PDGFC: variants seen among roughly 807,000 people sequenced by gnomAD.
PDGFC encodes the protein platelet-derived growth factor C.
PDGFC carries 12 observed loss-of-function variants against 35.5 expected under a neutral mutation model. The ratio of observed to expected loss-of-function variants is 0.34; its 90% CI spans 0.22 to 0.55. PDGFC has a LOEUF of 0.55. Ranked by LOEUF, PDGFC falls within the 20% of genes least tolerant of loss-of-function variation. PDGFC has a pLI of 0.91. For synonymous variants in PDGFC, 159 were observed against 148.8 expected, an observed-to-expected ratio of 1.07 and a Z score of -0.50; for missense variants, 322 against 412.4, an observed-to-expected ratio of 0.78 and a Z score of 1.90.
chr4:156,879,202 C>A (rs1730185878), intron 1 of PDGFC, among the ~76,000 whole-genome samples: 1 of 152,116 alleles, frequency 6.6e-6, no homozygotes, highest in Admixed American at 6.6e-5. Context: ...TTAAATCAAT[C>A]CTCCTGTAGA....
chr4:156,864,256 C>T (rs1345941077), intron 1 of PDGFC, among the ~76,000 whole-genome samples: 2 of 152,094 alleles, frequency 1.3e-5, no homozygotes, highest in Non-Finnish European at 2.9e-5. Flanking sequence ...TAAGAACTGA[C>T]TGAGATCCCC....
At chr4:156,904,629 G>A (rs976367967) in intron 1 of PDGFC, among the ~76,000 whole-genome samples, 2 of 152,048 alleles carry the variant, frequency 1.3e-5, no homozygotes, top group East Asian at 3.9e-4. Flanking sequence ...TCACCATCAA[G>A]TGTATATTTG....
At chr4:156,930,168 T>A (rs1731517533) in intron 1 of PDGFC, among the ~76,000 whole-genome samples, 1 of 152,228 alleles carries the variant, frequency 6.6e-6, no homozygotes, top group African/African-American at 2.4e-5. Context: ...TTTTAAGAAA[T>A]CTGCATTTAA....
At chr4:156,892,537 C>T (rs1435307758) in intron 1 of PDGFC, among the ~76,000 whole-genome samples, 1 of 151,646 alleles carries the variant, frequency 6.6e-6, no homozygotes, top group Non-Finnish European at 1.5e-5. Context: ...AGAATGCTGT[C>T]CTAATCTTTG....
chr4:156,887,977 T>C (rs1326776137), intron 1 of PDGFC, among the ~76,000 whole-genome samples: 1 of 145,366 alleles, frequency 6.9e-6, no homozygotes, highest in African/African-American at 2.6e-5. Flanking sequence ...CACTCCAGCC[T>C]GGGCAACAGA....
intron 3 of PDGFC, among the ~76,000 whole-genome samples, chr4:156,803,422 G>C (rs1731669215): frequency 6.6e-6 from 1 of 152,140 alleles, no homozygotes; most frequent in Non-Finnish European, 1.5e-5. Context: ...AGATATAATA[G>C]AGGATGGGGT....
At chr4:156,889,175 T>C (rs1469164824) in intron 1 of PDGFC, among the ~76,000 whole-genome samples, 1 of 152,208 alleles carries the variant, frequency 6.6e-6, no homozygotes, top group Non-Finnish European at 1.5e-5. Flanking sequence ...TTCTCAGCCA[T>C]GATTTCTTAA....
chr4:156,790,060 C>A (rs1262468362), intron 3 of PDGFC, among the ~76,000 whole-genome samples: 7 of 150,508 alleles, frequency 4.7e-5, no homozygotes. Context: ...AATCAGAAGA[C>A]CTGGGCACAG....
chr4:156,831,533 T>C (rs1457232641), intron 2 of PDGFC, among the ~76,000 whole-genome samples: 2 of 135,726 alleles, frequency 1.5e-5, no homozygotes, highest in African/African-American at 5.7e-5. Flanking sequence ...AACCTCCACC[T>C]CCCGAGTTAC....
intron 1 of PDGFC, among the ~76,000 whole-genome samples, chr4:156,961,219 T>C (rs757077816): frequency 6.6e-6 from 1 of 152,118 alleles, no homozygotes; most frequent in East Asian, 1.9e-4. Flanking sequence ...AAGCTGTGAT[T>C]TATTCCCCAG....
intron 1 of PDGFC, among the ~76,000 whole-genome samples, chr4:156,885,151 A>G (rs1044262472): frequency 1.6e-5 from 2 of 122,282 alleles, no homozygotes; most frequent in Non-Finnish European, 3.1e-5. Context: ...ATGTATGTGC[A>G]TACATACACA....
intron 1 of PDGFC, among the ~76,000 whole-genome samples, chr4:156,858,678 C>T (rs1439022083): frequency 6.6e-6 from 1 of 152,020 alleles, no homozygotes; most frequent in Non-Finnish European, 1.5e-5. Context: ...AGAAAGTTCA[C>T]ATAAAATATT....
chr4:156,866,334 AT>A (rs931377818), intron 1 of PDGFC, among the ~76,000 whole-genome samples: 60 of 152,042 alleles, frequency 3.9e-4, no homozygotes, highest in African/African-American at 1.3e-3. Flanking sequence ...TATGTGCCAC[AT>A]TTTTTTTCTT....
In PDGFC at chr4:156,789,755, T is replaced by C. The variant is rs553550921; in HGVS notation, c.496-16862A>G. Among the ~76,000 whole-genome samples the C allele has an allele frequency of 3.9e-5, 6 of 151,968 alleles. No homozygotes were observed. The East Asian group carries it at 1.2e-3, about 29-fold the overall frequency. On this transcript the variant is annotated intron_variant, in intron 3 of 5. Coordinates refer to ENST00000502773, the MANE Select transcript of PDGFC (RefSeq NM_016205.3). ...ACTTCGGGAGGCCGAGGCAGGCGGATCATGAGGTCAGGAGATCGAGACCAT... is the reference window on the plus strand; with the variant it reads ...ACTTCGGGAGGCCGAGGCAGGCGGACCATGAGGTCAGGAGATCGAGACCAT...
At chr4:156,800,534 T>A (rs1270542111) in intron 3 of PDGFC, among the ~76,000 whole-genome samples, 1 of 152,202 alleles carries the variant, frequency 6.6e-6, no homozygotes, top group Non-Finnish European at 1.5e-5. Context: ...ATTAACAGCA[T>A]TACTAAAATA....
chr4:156,770,329 C>T (rs1038469143), intron 4 of PDGFC: 18 of 151,970 alleles, frequency 1.2e-4, no homozygotes, highest in African/African-American at 4.3e-4. Context: ...TTTATGCAGT[C>T]CACAGTTTTC....
At chr4:156,765,761 C>T (rs1730505804) in intron 5 of PDGFC, among the ~76,000 whole-genome samples, 1 of 152,100 alleles carries the variant, frequency 6.6e-6, no homozygotes, top group Non-Finnish European at 1.5e-5. Flanking sequence ...ACCTTTCCTG[C>T]TTCAGGGCAA....
At chr4:156,869,055 G>T (rs968485205) in intron 1 of PDGFC, among the ~76,000 whole-genome samples, 12 of 152,092 alleles carry the variant, frequency 7.9e-5, no homozygotes, top group African/African-American at 2.4e-5. Flanking sequence ...CTATTTCACT[G>T]CCAGTAAGCC....
intron 2 of PDGFC, among the ~76,000 whole-genome samples, chr4:156,825,887 T>G (rs1305606237): frequency 6.6e-6 from 1 of 151,386 alleles, no homozygotes; most frequent in African/African-American, 2.4e-5. Flanking sequence ...TTTTTTTTCT[T>G]GAAGACAGTC....
Sources: allele counts gnomAD v4.1 joint callset (sites outside exome capture counted in the v4.1 genomes callset), GRCh38; gene constraint gnomAD v4.1.1; transcripts MANE v1.5; gene names NCBI Gene and HGNC (gene_info 2026-07-23, HGNC 2026-07-21).